The following GSE1 variants were observed in gnomAD, a reference collection of about 807,000 sequenced individuals.
The protein encoded by GSE1 is genetic suppressor element 1.
Under a neutral mutation model 112.6 loss-of-function variants are expected in GSE1, and 32 were observed. The ratio of observed to expected loss-of-function variants is 0.28; its 90% CI spans 0.21 to 0.38. The LOEUF (loss-of-function observed/expected upper bound fraction) is 0.38, where lower values mean the gene tolerates loss of function less well. GSE1 is among the 10% of genes least tolerant of loss of function. The pLI, the probability that GSE1 is intolerant of heterozygous loss-of-function variation, is 1.00. For synonymous variants in GSE1, 1,115 were observed against 735.6 expected (o/e 1.52, Z -8.35); for missense variants, 2,348 against 1,699.2 (o/e 1.38, Z -6.71).
At chr16:85,556,084 G>A (rs1307279646) in exon 1 of GSE1, 14 of 984,742 alleles carry the variant, frequency 1.4e-5, no homozygotes, top group Non-Finnish European at 1.7e-5. Flanking sequence ...CCAGGGCCAA[G>A]GTGGCCGAAA....
At chr16:85,280,676 G>T (rs1214354515) in intron 1 of GSE1, among the ~76,000 whole-genome samples, 2 of 152,156 alleles carry the variant, frequency 1.3e-5, no homozygotes, top group African/African-American at 4.8e-5. Context: ...GATTACAGGC[G>T]TGAGCCACAG....
At chr16:85,237,827 G>C (rs1904817987) in intron 1 of GSE1, among the ~76,000 whole-genome samples, 1 of 148,920 alleles carries the variant, frequency 6.7e-6, no homozygotes, top group African/African-American at 2.5e-5. Context: ...GACAGAGCAA[G>C]ACTCTGTCCC....
chr16:85,522,697 T>C (rs1331684104), intron 2 of GSE1, among the ~76,000 whole-genome samples: 1 of 152,116 alleles, frequency 6.6e-6, no homozygotes, highest in South Asian at 2.1e-4. Context: ...GAGTGGGTGC[T>C]CGTGTGGGTG....
At chr16:85,338,304 G>A (rs1314767394) in intron 1 of GSE1, among the ~76,000 whole-genome samples, 1 of 152,204 alleles carries the variant, frequency 6.6e-6, no homozygotes, top group African/African-American at 2.4e-5. Flanking sequence ...CCTCTTTCCT[G>A]CAATGGGGCC....
chr16:85,308,822 TC>T (rs1354594237), intron 1 of GSE1, among the ~76,000 whole-genome samples: 1 of 149,882 alleles, frequency 6.7e-6, no homozygotes, highest in Non-Finnish European at 1.5e-5. Flanking sequence ...CCTTCTCAGA[TC>T]CAATTTTGCC....
chr16:85,240,668 CGCCCTGCGA>C (rs1905098489), intron 1 of GSE1, among the ~76,000 whole-genome samples: 1 of 152,176 alleles, frequency 6.6e-6, no homozygotes, highest in Admixed American at 6.5e-5. Context: ...AGCCTGGGTG[CGCCCTGCGA>C]GGTTCCTCGG....
At chr16:85,193,820 T>A (rs1041344700) in intron 1 of GSE1, among the ~76,000 whole-genome samples, 4 of 152,184 alleles carry the variant, frequency 2.6e-5, no homozygotes, top group African/African-American at 9.7e-5. Flanking sequence ...TGAGAAATAA[T>A]GAAGAGCCAG....
At chr16:85,637,621 G>A (rs1246100106) in intron 2 of GSE1, among the ~76,000 whole-genome samples, 1 of 152,238 alleles carries the variant, frequency 6.6e-6, no homozygotes, top group East Asian at 1.9e-4. Context: ...CTTCGCCTCT[G>A]GTGGATGAGA....
intron 2 of GSE1, among the ~76,000 whole-genome samples, chr16:85,397,782 G>A (rs1159783223): frequency 3.3e-5 from 5 of 152,298 alleles, no homozygotes; most frequent in Admixed American, 2.0e-4. Flanking sequence ...GGAGGAAGGC[G>A]CACATCCCCT....
chr16:85,664,822 G>A (rs2052706440), intron 11 of GSE1, 193 bp from the exon 12 acceptor site: 2 of 583,572 alleles, frequency 3.4e-6, no homozygotes, highest in Admixed American at 2.9e-5. Flanking sequence ...TTGTGTAGTG[G>A]ATGCCGAGAG....
At chr16:85,370,183 C>T (rs959173702) in intron 2 of GSE1, among the ~76,000 whole-genome samples, 3 of 152,142 alleles carry the variant, frequency 2.0e-5, no homozygotes, top group Admixed American at 2.0e-4. Context: ...CAAAGCCAAG[C>T]CCTGGGGCTG....
chr16:85,364,110 G>T (rs1036141848), intron 2 of GSE1, among the ~76,000 whole-genome samples: 3 of 152,242 alleles, frequency 2.0e-5, no homozygotes, highest in Non-Finnish European at 2.9e-5. Context: ...TGTGGGCAGG[G>T]CCTGTTCCTT....
chr16:85,257,201 T>C (rs1008143269), intron 1 of GSE1, among the ~76,000 whole-genome samples: 25 of 152,154 alleles, frequency 1.6e-4, no homozygotes, highest in African/African-American at 5.3e-4. Context: ...CTCCACCTCC[T>C]GGGTTCAAGC....
At chr16:85,469,069 A>G (rs2050207767) in intron 2 of GSE1, among the ~76,000 whole-genome samples, 2 of 152,156 alleles carry the variant, frequency 1.3e-5, no homozygotes, top group African/African-American at 4.8e-5. Flanking sequence ...AGCCCGGCCA[A>G]TGTGGCAAAA....
At chr16:85,182,359 CT>C (rs1380444197) in intron 1 of GSE1, among the ~76,000 whole-genome samples, 13 of 152,204 alleles carry the variant, frequency 8.5e-5, no homozygotes, top group African/African-American at 3.1e-4. Flanking sequence ...TGGGAGGAGG[CT>C]CGGGCCTGGC....
chr16:85,322,777 G>A (rs2046139018), intron 1 of GSE1, among the ~76,000 whole-genome samples: 1 of 152,042 alleles, frequency 6.6e-6, no homozygotes, highest in African/African-American at 2.4e-5. Flanking sequence ...CACCATGCCT[G>A]GCTAATTTTT....
At chr16:85,468,762 C>T (rs866928601) in intron 2 of GSE1, among the ~76,000 whole-genome samples, 4 of 152,174 alleles carry the variant, frequency 2.6e-5, no homozygotes, top group Non-Finnish European at 4.4e-5. Context: ...TTCCCCATCT[C>T]CTGATGTCTA....
intron 1 of GSE1, among the ~76,000 whole-genome samples, chr16:85,276,587 G>A (rs1909385311): frequency 1.3e-5 from 2 of 152,232 alleles, no homozygotes; most frequent in Non-Finnish European, 2.9e-5. Flanking sequence ...AAGGGCCCGG[G>A]TTCGGGGTGA....
chr16:85,542,320 T>C (rs148411266), intron 2 of GSE1, among the ~76,000 whole-genome samples: 117 of 152,342 alleles, frequency 7.7e-4, no homozygotes, highest in African/African-American at 2.6e-3. Context: ...CTGAGTTTTA[T>C]TAATCATGGG....
Sources: allele counts gnomAD v4.1 joint callset (sites outside exome capture counted in the v4.1 genomes callset), GRCh38; gene constraint gnomAD v4.1.1; transcripts MANE v1.5; gene names NCBI Gene and HGNC (gene_info 2026-07-23, HGNC 2026-07-21).